CDC73: variants seen among roughly 807,000 people sequenced by gnomAD.
CDC73 encodes the protein cell division cycle 73.
CDC73 carries 21 observed loss-of-function variants against 83.7 expected under a neutral mutation model. The ratio of observed to expected loss-of-function variants is 0.25; its 90% CI spans 0.18 to 0.36. The LOEUF is 0.36. CDC73 is among the 10% of genes least tolerant of loss of function. The pLI, the probability that CDC73 is intolerant of heterozygous loss-of-function variation, is 1.00. For missense variants in CDC73, 342 were observed against 653.3 expected, an observed-to-expected ratio of 0.52 and a Z score of 5.19; for synonymous variants, 224 against 212.9, an observed-to-expected ratio of 1.05 and a Z score of -0.45.
intron 13 of CDC73, among the ~76,000 whole-genome samples, chr1:193,223,049 T>A (rs1424887992): frequency 6.6e-6 from 1 of 152,124 alleles, no homozygotes; most frequent in African/African-American, 2.4e-5. Context: ...GTTTAGTTAT[T>A]TTTCAAACCA....
At chr1:193,224,984 C>T (rs1344767148) in intron 13 of CDC73, among the ~76,000 whole-genome samples, 3 of 151,948 alleles carry the variant, frequency 2.0e-5, no homozygotes, top group Non-Finnish European at 2.9e-5. Flanking sequence ...GCCCATCACC[C>T]GAACCGTATA....
chr1:193,167,485 A>G (rs1454286944), intron 10 of CDC73, among the ~76,000 whole-genome samples: 2 of 152,094 alleles, frequency 1.3e-5, no homozygotes, highest in Non-Finnish European at 2.9e-5. Context: ...CTACACCATG[A>G]CCTCAACTCA....
intron 3 of CDC73, among the ~76,000 whole-genome samples, chr1:193,130,926 A>G (rs1183809749): frequency 6.6e-6 from 1 of 152,010 alleles, no homozygotes; most frequent in Non-Finnish European, 1.5e-5. Flanking sequence ...CTCTCAGTTT[A>G]TTTTGGTTAC....
chr1:193,212,052 TTC>T lies in CDC73; in HGVS notation c.1031-11_1031-10del. 4 of 1,573,834 alleles carry T rather than the reference TTC, an allele frequency of 2.5e-6. No individual in the cohort carries two copies. Among genetic ancestry groups the T allele is most frequent in the Admixed American group, 1.8e-5 (1 of 57,030 alleles). ...TTATGACACAGAGTTGTGATTTTTT[TTC>T]TTTTTCACAGTTTCTCAAGCAAGAC... On this transcript the variant is annotated splice_polypyrimidine_tract_variant and intron_variant, in intron 11 of 16. Coordinates refer to ENST00000367435, the MANE Select transcript of CDC73 (RefSeq NM_024529.5).
intron 7 of CDC73, among the ~76,000 whole-genome samples, chr1:193,142,732 A>G (rs1398201401): frequency 6.6e-6 from 1 of 151,684 alleles, no homozygotes; most frequent in Non-Finnish European, 1.5e-5. Flanking sequence ...TTGTACACGT[A>G]CCTTTGTGTG....
intron 10 of CDC73, among the ~76,000 whole-genome samples, chr1:193,192,485 T>C (rs1313356576): frequency 6.6e-6 from 1 of 151,998 alleles, no homozygotes; most frequent in East Asian, 1.9e-4. Context: ...AGTAAGTAAA[T>C]AGAATTTTTT....
chr1:193,137,762 T>G (rs1182827926), intron 5 of CDC73, among the ~76,000 whole-genome samples: 1 of 152,256 alleles, frequency 6.6e-6, no homozygotes, highest in Admixed American at 6.5e-5. Context: ...ATTTGGTTAT[T>G]AACTTTCTCA....
intron 10 of CDC73, among the ~76,000 whole-genome samples, chr1:193,200,339 A>AT (rs1371385106): frequency 6.6e-6 from 1 of 152,208 alleles, no homozygotes; most frequent in Non-Finnish European, 1.5e-5. Context: ...ATATATTACG[A>AT]TATCTGTTCC....
intron 10 of CDC73, among the ~76,000 whole-genome samples, chr1:193,200,664 G>A (rs1467996071): frequency 6.6e-6 from 1 of 152,114 alleles, no homozygotes; most frequent in East Asian, 1.9e-4. Context: ...TCCCCGCTGG[G>A]TAGTGTTTTT....
chr1:193,213,254 A>G (rs1215693304), intron 13 of CDC73, among the ~76,000 whole-genome samples: 3 of 152,206 alleles, frequency 2.0e-5, no homozygotes. Context: ...ATTGTTTTAA[A>G]TAATCTTCAA....
chr1:193,152,723 T>C (rs1676136312), intron 10 of CDC73, among the ~76,000 whole-genome samples: 1 of 152,148 alleles, frequency 6.6e-6, no homozygotes, highest in Non-Finnish European at 1.5e-5. Flanking sequence ...AGCCTTTAAG[T>C]TATGAGGTCA....
rs1233109076 is a variant in CDC73, at chr1:193,254,184, TA to T, written c.*3479del. Among the ~76,000 whole-genome samples the T allele has an allele frequency of 6.6e-6, 1 of 151,848 alleles. No homozygotes were observed. Among genetic ancestry groups the T allele is most frequent in the Non-Finnish European group, 1.5e-5 (1 of 67,880 alleles). ...AAGCCCTTCATATACACATACTTTT[TA>T]AAAAAAGATTCTTAATAAAGAAATT... On this transcript the variant is annotated 3_prime_UTR_variant, in exon 17 of 17. Coordinates refer to ENST00000367435, the MANE Select transcript of CDC73 (RefSeq NM_024529.5).
intron 10 of CDC73, among the ~76,000 whole-genome samples, chr1:193,182,214 G>A (rs1205136581): frequency 6.6e-6 from 1 of 152,056 alleles, no homozygotes; most frequent in Non-Finnish European, 1.5e-5. Context: ...GTTTCCATTG[G>A]CCCCTACTGT....
At chr1:193,223,876 T>C (rs1343870100) in intron 13 of CDC73, among the ~76,000 whole-genome samples, 5 of 151,388 alleles carry the variant, frequency 3.3e-5, no homozygotes, top group Non-Finnish European at 7.4e-5. Context: ...TTTTTTTTTT[T>C]GTATTGATAC....
At chr1:193,128,593 C>G (rs965315966) in intron 2 of CDC73, among the ~76,000 whole-genome samples, 1 of 152,132 alleles carries the variant, frequency 6.6e-6, no homozygotes, top group African/African-American at 2.4e-5. Context: ...GCATGAACCA[C>G]CATGCCTGGC....
In CDC73 at chr1:193,254,353, G is replaced by A. The variant is rs565579791; in HGVS notation, c.*3641G>A. On this transcript the variant is annotated 3_prime_UTR_variant, in exon 17 of 17. Transcript: ENST00000367435. Reference sequence around the variant, plus strand: ...ACAACATGAAAATTTAATTACATTAGCCTTAATATTACTTGACTGAATTTC... The same window carrying A: ...ACAACATGAAAATTTAATTACATTAACCTTAATATTACTTGACTGAATTTC... 6.6e-5 allele frequency among the ~76,000 whole-genome samples: 10 copies of A among 152,128 alleles called. No individual in the cohort carries two copies. In the South Asian group the frequency reaches 2.1e-3, roughly 32 times the overall value.
chr1:193,142,868 A>G (rs1675930743), intron 7 of CDC73, among the ~76,000 whole-genome samples: 1 of 152,198 alleles, frequency 6.6e-6, no homozygotes, highest in Non-Finnish European at 1.5e-5. Flanking sequence ...ATGGATCTCC[A>G]AAAAGAGGAT....
intron 10 of CDC73, among the ~76,000 whole-genome samples, chr1:193,171,248 T>C (rs1676514043): frequency 1.3e-5 from 2 of 152,216 alleles, no homozygotes. Flanking sequence ...CTGTTCATTT[T>C]CTATTGTCAC....
At chr1:193,128,803 G>T (rs187590175) in intron 2 of CDC73, among the ~76,000 whole-genome samples, 41 of 152,222 alleles carry the variant, frequency 2.7e-4, no homozygotes, top group African/African-American at 9.6e-4. Context: ...TTCAATATAA[G>T]GTCATTGGCC....
Sources: allele counts gnomAD v4.1 joint callset (sites outside exome capture counted in the v4.1 genomes callset), GRCh38; gene constraint gnomAD v4.1.1; transcripts MANE v1.5; gene names NCBI Gene and HGNC (gene_info 2026-07-23, HGNC 2026-07-21).